The following PAPPA2 variants were observed in gnomAD, a reference collection of about 807,000 sequenced individuals.
The protein encoded by PAPPA2 is pappalysin-2.
A neutral mutation model predicts 176.4 loss-of-function variants in PAPPA2; 86 were observed. The ratio of observed to expected loss-of-function variants is 0.49; its 90% CI spans 0.41 to 0.58. The LOEUF is 0.58. Among genes scored for constraint, PAPPA2 ranks in the 20% least tolerant of loss-of-function variants. PAPPA2 has a pLI of 0.00. For missense variants in PAPPA2, 2,073 were observed against 2,256.9 expected (o/e 0.92, Z 1.65); for synonymous variants, 809 against 852.2 (o/e 0.95, Z 0.88).
intron 3 of PAPPA2, among the ~76,000 whole-genome samples, chr1:176,623,557 CCCTTCCTTCCTTCCTTCCCTCCTTCCTT>C (rs1358775741): frequency 2.8e-4 from 38 of 137,610 alleles, no homozygotes; most frequent in East Asian, 1.5e-3. Flanking sequence ...CTGCATTTTC[CCCTTCCTTCCTTCCTTCCCTCCTTCCTT>C]CCTTCCTTCC....
At chr1:176,703,947 T>G (rs1369302371) in intron 9 of PAPPA2, among the ~76,000 whole-genome samples, 1 of 150,164 alleles carries the variant, frequency 6.7e-6, no homozygotes, top group Non-Finnish European at 1.5e-5. Flanking sequence ...CTGTTTTGGT[T>G]GCTTCATTTT....
intron 21 of PAPPA2, among the ~76,000 whole-genome samples, chr1:176,818,345 C>G (rs1247376348): frequency 6.6e-6 from 1 of 152,096 alleles, no homozygotes; most frequent in Non-Finnish European, 1.5e-5. Context: ...GTAACAATAA[C>G]TAAAGACAAA....
chr1:176,688,568 A>T (rs1009064623), intron 4 of PAPPA2, among the ~76,000 whole-genome samples: 1 of 152,220 alleles, frequency 6.6e-6, no homozygotes, highest in Non-Finnish European at 1.5e-5. Context: ...ATAAAAAAGG[A>T]TAAGTTTAGA....
rs776406680 is a variant in PAPPA2 at position 176,783,575 on chromosome 1, C to G, written c.4716-6234C>G. Among the ~76,000 whole-genome samples, 113 of 152,312 alleles carry G rather than the reference C, an allele frequency of 7.4e-4. 3 individuals are homozygous for G. The Middle Eastern group carries it at 0.017, about 23-fold the overall frequency. On this transcript the variant is annotated intron_variant, in intron 17 of 22. Transcript: ENST00000367662. ...GGAAATTGGGAAACGCACCTTCTAA[C>G]TTGGAAATTGTGCTGATTTGTCTGG...
intron 2 of PAPPA2, among the ~76,000 whole-genome samples, chr1:176,587,202 T>C (rs1196280071): frequency 3.3e-5 from 5 of 152,134 alleles, no homozygotes; most frequent in African/African-American, 1.2e-4. Flanking sequence ...CTTTGTCAGA[T>C]GGATAGACTG....
At chr1:176,571,037 C>T (rs905012216) in intron 2 of PAPPA2, among the ~76,000 whole-genome samples, 20 of 152,150 alleles carry the variant, frequency 1.3e-4, no homozygotes, top group African/African-American at 4.6e-4. Flanking sequence ...CTGTGGATCT[C>T]CATCATCTGT....
chr1:176,539,676 G>A (rs1205230271), intron 1 of PAPPA2, among the ~76,000 whole-genome samples: 1 of 151,976 alleles, frequency 6.6e-6, no homozygotes, highest in Admixed American at 6.6e-5. Flanking sequence ...TAGGAGATTT[G>A]TGCACTAGGA....
At chr1:176,823,295 A>G (rs953186929) in intron 21 of PAPPA2, among the ~76,000 whole-genome samples, 1 of 152,228 alleles carries the variant, frequency 6.6e-6, no homozygotes, top group African/African-American at 2.4e-5. Context: ...CCAAATGTCA[A>G]TGGCATATAA....
At chr1:176,582,779 G>A (rs1352805054) in intron 2 of PAPPA2, among the ~76,000 whole-genome samples, 2 of 152,110 alleles carry the variant, frequency 1.3e-5, no homozygotes, top group Non-Finnish European at 2.9e-5. Context: ...AGTAGAATGA[G>A]TTTAGAAGAA....
chr1:176,741,138 A>T (rs1262164914), intron 14 of PAPPA2, among the ~76,000 whole-genome samples: 1 of 152,168 alleles, frequency 6.6e-6, no homozygotes, highest in Non-Finnish European at 1.5e-5. Context: ...CACCATAAAC[A>T]TTATCTCACA....
Position 176,719,518 on chromosome 1 carries a change from A to G in PAPPA2, c.3798+7537A>G, listed in dbSNP as rs530145135. On this transcript the variant is annotated intron_variant, in intron 12 of 22. Coordinates refer to ENST00000367662, the MANE Select transcript of PAPPA2 (RefSeq NM_020318.3). ...CAGCATTTTATCCTTTGCACTTTCAATGTTATGAAATATCTCTGAGAGTTC... is the reference window on the plus strand; with the variant it reads ...CAGCATTTTATCCTTTGCACTTTCAGTGTTATGAAATATCTCTGAGAGTTC... 2.6e-5 allele frequency among the ~76,000 whole-genome samples: 4 copies of G among 152,254 alleles called. No individual in the cohort carries two copies. In the South Asian group the frequency reaches 8.3e-4, roughly 32 times the overall value.
At chr1:176,536,259 G>A (rs1170976525) in intron 1 of PAPPA2, among the ~76,000 whole-genome samples, 1 of 152,138 alleles carries the variant, frequency 6.6e-6, no homozygotes, top group African/African-American at 2.4e-5. Flanking sequence ...ATTTTGCCCT[G>A]GACTGCTAGG....
chr1:176,509,884 AT>A (rs1466970203), intron 1 of PAPPA2, among the ~76,000 whole-genome samples: 1 of 151,700 alleles, frequency 6.6e-6, no homozygotes, highest in Non-Finnish European at 1.5e-5. Flanking sequence ...AAAAAAACAC[AT>A]TAGCTGGGCA....
At chr1:176,548,926 G>T (rs1650783166) in intron 1 of PAPPA2, among the ~76,000 whole-genome samples, 1 of 152,110 alleles carries the variant, frequency 6.6e-6, no homozygotes, top group Non-Finnish European at 1.5e-5. Flanking sequence ...TGAAAATGGG[G>T]ATGATAGAGG....
At chr1:176,600,633 G>A (rs1185082349) in intron 3 of PAPPA2, among the ~76,000 whole-genome samples, 6 of 133,602 alleles carry the variant, frequency 4.5e-5, no homozygotes, top group East Asian at 4.3e-4. Flanking sequence ...CCGAGATCGC[G>A]CCACTGCACT....
chr1:176,508,439 T>G (rs1315705131), intron 1 of PAPPA2, among the ~76,000 whole-genome samples: 1 of 152,058 alleles, frequency 6.6e-6, no homozygotes, highest in Non-Finnish European at 1.5e-5. Flanking sequence ...ACATAAATCA[T>G]AAATTCTAAT....
chr1:176,538,737 C>T (rs189595449), intron 1 of PAPPA2, among the ~76,000 whole-genome samples: 108 of 152,290 alleles, frequency 7.1e-4, no homozygotes, highest in African/African-American at 2.5e-3. Context: ...AGTTTCTTTG[C>T]CTCATCACTA....
At chr1:176,773,794 T>C (rs1402864641) in intron 17 of PAPPA2, among the ~76,000 whole-genome samples, 2 of 152,194 alleles carry the variant, frequency 1.3e-5, no homozygotes, top group Admixed American at 6.5e-5. Context: ...TACTAAAATA[T>C]CAGCCAAATA....
rs190664654 is a variant in PAPPA2 at position 176,506,615 on chromosome 1, T to A, written c.-917+43197T>A. Among the ~76,000 whole-genome samples, 108 of 152,256 alleles carry A rather than the reference T, an allele frequency of 7.1e-4. No homozygotes were observed. In the Middle Eastern group the frequency reaches 0.01, roughly 14 times the overall value. On this transcript the variant is annotated intron_variant, in intron 1 of 22. Coordinates refer to ENST00000367662, the MANE Select transcript of PAPPA2 (RefSeq NM_020318.3). The stretch of plus-strand genomic sequence containing the variant: ...AGGTATTTTATTTTCTTTGTGGCTA[T>A]GTAAATGGGATTGTGTGCTTGATTT...
Sources: allele counts gnomAD v4.1 joint callset (sites outside exome capture counted in the v4.1 genomes callset), GRCh38; gene constraint gnomAD v4.1.1; transcripts MANE v1.5; gene names NCBI Gene and HGNC (gene_info 2026-07-23, HGNC 2026-07-21).